RBFOX1: variants seen among roughly 807,000 people sequenced by gnomAD.
The protein encoded by RBFOX1 is RNA binding fox-1 homolog 1, also known as RNA binding protein fox-1 homolog 1.
In RBFOX1, 8 loss-of-function variants were observed where a neutral mutation model predicts 57.7. The observed-to-expected ratio is 0.14, with a 90% CI of 0.08 to 0.25. The LOEUF (loss-of-function observed/expected upper bound fraction) is 0.25. Among genes scored for constraint, RBFOX1 ranks in the 10% least tolerant of loss-of-function variants. The pLI is 1.00. For missense variants in RBFOX1, 611 were observed against 548.5 expected, an observed-to-expected ratio of 1.11 and a Z score of -1.14; for synonymous variants, 326 against 222.4, an observed-to-expected ratio of 1.47 and a Z score of -4.15.
At chr16:7,012,805 T>C (rs1312678332) in intron 3 of RBFOX1, among the ~76,000 whole-genome samples, 1 of 152,146 alleles carries the variant, frequency 6.6e-6, no homozygotes, top group East Asian at 1.9e-4. Context: ...ACTGATATCT[T>C]AGTGTGTTCA....
At chr16:6,347,491 G>A (rs2085572163) in intron 2 of RBFOX1, among the ~76,000 whole-genome samples, 1 of 152,212 alleles carries the variant, frequency 6.6e-6, no homozygotes, top group Admixed American at 6.5e-5. Flanking sequence ...TGAAAAGAAT[G>A]TTCTTCACTA....
At chr16:7,195,626 C>G (rs573110135) in intron 4 of RBFOX1, among the ~76,000 whole-genome samples, 1 of 152,120 alleles carries the variant, frequency 6.6e-6, no homozygotes, top group Non-Finnish European at 1.5e-5. Context: ...GGTGGGATCT[C>G]AACTCACTGC....
chr16:6,381,786 C>T lies in RBFOX1; in HGVS notation c.-64+64729C>T, dbSNP rs148049635. On this transcript the variant is annotated intron_variant, in intron 2 of 15. Transcript: ENST00000550418. The stretch of plus-strand genomic sequence containing the variant: ...TGCTGGAACTGGGTCTGCCCTGTGT[C>T]CCTCGGGATTCCAGCAAGTGGACTT... 7.7e-4 allele frequency among the ~76,000 whole-genome samples: 117 copies of T among 152,284 alleles called. 2 individuals are homozygous for T. The East Asian group carries it at 0.02, about 26-fold the overall frequency.
In RBFOX1 at chr16:7,517,551, GAC is replaced by G. The variant is rs35971142; in HGVS notation, c.28-574_28-573del. On this transcript the variant is annotated intron_variant, in intron 4 of 15. Coordinates refer to ENST00000550418, the MANE Select transcript of RBFOX1 (RefSeq NM_018723.4). Reference sequence around the variant, plus strand: ...CATCATACACGCATACACACACACAGACACACACACACACACACACACAACAT... The same window carrying G: ...CATCATACACGCATACACACACACAGACACACACACACACACACACAACAT... 2.0e-3 allele frequency among the ~76,000 whole-genome samples: 295 copies of G among 150,306 alleles called. 1 individual carries two copies. Among genetic ancestry groups the G allele is most frequent in the African/African-American group, 5.6e-3 (228 of 40,852 alleles).
At chr16:7,429,123 T>G (rs1016695716) in intron 4 of RBFOX1, among the ~76,000 whole-genome samples, 1 of 152,164 alleles carries the variant, frequency 6.6e-6, no homozygotes, top group Non-Finnish European at 1.5e-5. Flanking sequence ...TCGAGCGGCA[T>G]AAGGCTTTTC....
At chr16:6,992,933 T>G (rs984717111) in intron 3 of RBFOX1, among the ~76,000 whole-genome samples, 12 of 152,102 alleles carry the variant, frequency 7.9e-5, no homozygotes, top group African/African-American at 2.9e-4. Flanking sequence ...TGGATTTCAT[T>G]GTAGAATGCA....
At chr16:5,845,267 C>A (rs1325151982) in intron 3 of RBFOX1, among the ~76,000 whole-genome samples, 1 of 152,062 alleles carries the variant, frequency 6.6e-6, no homozygotes, top group Non-Finnish European at 1.5e-5. Context: ...AAAGCATTTC[C>A]ACCACCGTTA....
chr16:5,694,717 C>T lies in RBFOX1; in HGVS notation c.318+95756C>T, dbSNP rs1020587027. 1.3e-4 allele frequency among the ~76,000 whole-genome samples: 19 copies of T among 151,740 alleles called. 1 individual carries two copies. The highest frequency in any genetic ancestry group is 1.1e-3 in the Admixed American group (17 of 15,192). On this transcript the variant is annotated intron_variant, in intron 3 of 19. Coordinates refer to the RBFOX1 transcript ENST00000641259. ...GCCCTGACTCCCGATTTAAAGTAGACCACTCACAGCCCCCAACCCCACTAT... is the reference window on the plus strand; with the variant it reads ...GCCCTGACTCCCGATTTAAAGTAGATCACTCACAGCCCCCAACCCCACTAT...
At chr16:6,415,459 T>A (rs1185295478) in intron 2 of RBFOX1, among the ~76,000 whole-genome samples, 1 of 150,894 alleles carries the variant, frequency 6.6e-6, no homozygotes, top group Non-Finnish European at 1.5e-5. Flanking sequence ...AGGGAGAGAT[T>A]TGGGAGGTCG....
intron 1 of RBFOX1, among the ~76,000 whole-genome samples, chr16:6,248,876 C>G (rs557730647): frequency 1.2e-3 from 185 of 152,240 alleles, no homozygotes; most frequent in African/African-American, 4.4e-3. Flanking sequence ...CTTACAAGAG[C>G]ACCTGGCACA....
chr16:6,914,172 G>T (rs1288567775), intron 3 of RBFOX1, among the ~76,000 whole-genome samples: 1 of 152,138 alleles, frequency 6.6e-6, no homozygotes, highest in Non-Finnish European at 1.5e-5. Flanking sequence ...TCTGATTTCA[G>T]ACCAGATCAT....
At chr16:7,552,764 C>T (rs941145529) in intron 5 of RBFOX1, among the ~76,000 whole-genome samples, 3 of 152,250 alleles carry the variant, frequency 2.0e-5, no homozygotes, top group East Asian at 1.9e-4. Flanking sequence ...CTCACTGCAA[C>T]CTCTGCCTCC....
At chr16:5,904,668 G>C (rs1458522470) in intron 4 of RBFOX1, among the ~76,000 whole-genome samples, 1 of 152,032 alleles carries the variant, frequency 6.6e-6, no homozygotes, top group Non-Finnish European at 1.5e-5. Flanking sequence ...TGCTTTTGAA[G>C]ACAGCATCTT....
chr16:5,864,074 G>A (rs868555651), intron 3 of RBFOX1, among the ~76,000 whole-genome samples: 87 of 152,110 alleles, frequency 5.7e-4, no homozygotes, highest in African/African-American at 2.0e-3. Context: ...CCTCCAGAAG[G>A]CCCCATTGTG....
intron 2 of RBFOX1, among the ~76,000 whole-genome samples, chr16:5,469,099 G>A (rs903062813): frequency 3.3e-5 from 5 of 152,164 alleles, no homozygotes; most frequent in African/African-American, 4.8e-5. Flanking sequence ...GTACTAGAGC[G>A]GGCAAGCTCT....
At position 7,519,861 on chromosome 16, in the gene RBFOX1, G is replaced by A. The variant is rs186091599; in HGVS notation, c.270+1472G>A. 3.3e-4 allele frequency: 140 copies of A among 422,358 alleles called. 1 individual carries two copies. Among genetic ancestry groups the A allele is most frequent in the African/African-American group, 2.9e-3 (135 of 46,296 alleles). The allele number at this position is 422,358 out of a possible 1,614,324, so 26.2% of individuals were successfully genotyped here. A position where few individuals can be genotyped will look rare whatever the true frequency, so the allele number is the denominator to read the frequency against. ...TACTTGCCACCTCATTCATTTGGAG[G>A]CTAGTTTTGACGTTTTGTTTTTGTT... is the stretch of plus-strand genomic sequence containing the variant. On this transcript the variant is annotated intron_variant, in intron 5 of 15. Coordinates refer to ENST00000550418, the MANE Select transcript of RBFOX1 (RefSeq NM_018723.4).
At chr16:6,487,687 AAAAAAAAAAAAAAATATAT>A (rs2095522100) in intron 2 of RBFOX1, among the ~76,000 whole-genome samples, 3 of 19,800 alleles carry the variant, frequency 1.5e-4, no homozygotes, top group African/African-American at 3.1e-4. Flanking sequence ...AAAAAAAAAA[AAAAAAAAAAAAAAATATAT>A]ATATATATAT....
chr16:7,082,163 C>T (rs1252298111), intron 4 of RBFOX1, among the ~76,000 whole-genome samples: 1 of 152,110 alleles, frequency 6.6e-6, no homozygotes, highest in African/African-American at 2.4e-5. Flanking sequence ...AAACTCCAGC[C>T]TTCTGGTTGG....
chr16:6,474,458 A>G (rs1365962119), intron 2 of RBFOX1, among the ~76,000 whole-genome samples: 1 of 152,246 alleles, frequency 6.6e-6, no homozygotes, highest in Non-Finnish European at 1.5e-5. Flanking sequence ...GCTGTTGTTC[A>G]GGTAATTTAA....
Sources: gnomAD v4.1 joint callset for allele counts (sites outside exome capture counted in the v4.1 genomes callset) on GRCh38, gnomAD v4.1.1 for gene constraint, MANE v1.5 for transcripts, NCBI Gene and HGNC (gene_info 2026-07-23, HGNC 2026-07-21) for gene names.